GAS2: variants seen among roughly 807,000 people sequenced by gnomAD.
GAS2 encodes growth arrest-specific protein 2.
Under a neutral mutation model 37.5 loss-of-function variants are expected in GAS2, and 20 were observed. The observed-to-expected ratio is 0.53, with a 90% confidence interval of 0.37 to 0.77. GAS2 has a LOEUF of 0.77. GAS2 is among the 30% of genes least tolerant of loss of function. The pLI is 0.00. For missense variants in GAS2, 336 were observed against 373.4 expected (o/e 0.90, Z 0.82); for synonymous variants, 144 against 132.2 (o/e 1.09, Z -0.61).
chr11:22,630,301 G>A (rs181353832), intron 1 of GAS2, among the ~76,000 whole-genome samples: 1 of 152,072 alleles, frequency 6.6e-6, no homozygotes, highest in Non-Finnish European at 1.5e-5. Context: ...TGTGATGTTT[G>A]GTTTTTTGTT....
intron 1 of GAS2, among the ~76,000 whole-genome samples, chr11:22,661,216 A>C (rs1848911752): frequency 6.6e-6 from 1 of 152,222 alleles, no homozygotes; most frequent in Non-Finnish European, 1.5e-5. Context: ...TTGTCTTTAC[A>C]GAGGGATCTC....
At chr11:22,738,083 T>C (rs1852851648) in intron 5 of GAS2, among the ~76,000 whole-genome samples, 2 of 152,170 alleles carry the variant, frequency 1.3e-5, no homozygotes, top group South Asian at 4.1e-4. Context: ...TTCTCCTTAG[T>C]GGAAAGTCTA....
intron 7 of GAS2, among the ~76,000 whole-genome samples, chr11:22,795,921 G>A (rs920939042): frequency 1.3e-5 from 2 of 152,130 alleles, no homozygotes; most frequent in African/African-American, 2.4e-5. Flanking sequence ...AGTGAAGATG[G>A]TGAGAACAGA....
chr11:22,659,547 G>A (rs1340212711), intron 1 of GAS2, among the ~76,000 whole-genome samples: 3 of 151,964 alleles, frequency 2.0e-5, no homozygotes, highest in African/African-American at 4.8e-5. Flanking sequence ...AGCCTTCTTC[G>A]GTATTCTTTT....
intron 1 of GAS2, among the ~76,000 whole-genome samples, chr11:22,639,641 C>T (rs1858885178): frequency 6.6e-6 from 1 of 152,048 alleles, no homozygotes; most frequent in Non-Finnish European, 1.5e-5. Flanking sequence ...AGTCGTGCAT[C>T]CTATGATATT....
intron 1 of GAS2, among the ~76,000 whole-genome samples, chr11:22,648,842 T>G (rs1368515782): frequency 6.6e-6 from 1 of 152,218 alleles, no homozygotes; most frequent in East Asian, 1.9e-4. Context: ...TTTCTAGATA[T>G]ACAATCATGT....
chr11:22,642,849 C>T (rs1848645435), intron 1 of GAS2, among the ~76,000 whole-genome samples: 1 of 152,062 alleles, frequency 6.6e-6, no homozygotes, highest in Non-Finnish European at 1.5e-5. Context: ...AGACCCATTG[C>T]CTGCTCTGTA....
At chr11:22,763,154 T>G (rs956821207) in intron 7 of GAS2, among the ~76,000 whole-genome samples, 1 of 152,256 alleles carries the variant, frequency 6.6e-6, no homozygotes, top group Non-Finnish European at 1.5e-5. Flanking sequence ...GTACTACTTT[T>G]AAATTAAATC....
At chr11:22,746,349 G>A (rs911308769) in intron 5 of GAS2, among the ~76,000 whole-genome samples, 29 of 152,070 alleles carry the variant, frequency 1.9e-4, no homozygotes, top group Admixed American at 3.9e-4. Context: ...CCCATCAATC[G>A]CGTTACTAGG....
chr11:22,639,869 C>T (rs1330296742), intron 1 of GAS2, among the ~76,000 whole-genome samples: 6 of 152,056 alleles, frequency 3.9e-5, no homozygotes, highest in South Asian at 2.1e-4. Flanking sequence ...CCTGAGATAC[C>T]GATCTCCTTT....
At chr11:22,684,372 TGAG>T (rs1360528914) in intron 2 of GAS2, among the ~76,000 whole-genome samples, 2 of 152,138 alleles carry the variant, frequency 1.3e-5, no homozygotes, top group Non-Finnish European at 2.9e-5. Context: ...AGAGAGAAGT[TGAG>T]GACACAAAGA....
intron 7 of GAS2, among the ~76,000 whole-genome samples, chr11:22,786,735 G>A (rs761587050): frequency 1.7e-4 from 26 of 152,126 alleles, no homozygotes; most frequent in Non-Finnish European, 2.6e-4. Flanking sequence ...ATGCAAATGG[G>A]TAGGACATTG....
At chr11:22,777,084 A>G (rs1855296576) in intron 7 of GAS2, among the ~76,000 whole-genome samples, 1 of 152,206 alleles carries the variant, frequency 6.6e-6, no homozygotes, top group African/African-American at 2.4e-5. Context: ...GGAAAACATT[A>G]GCTGAAGGAA....
intron 7 of GAS2, among the ~76,000 whole-genome samples, chr11:22,802,455 TAA>T (rs34312956): frequency 1.5e-4 from 21 of 143,664 alleles, no homozygotes; most frequent in South Asian, 6.6e-4. Context: ...CTTAAAGTAT[TAA>T]AAAAAAAAAA....
intron 5 of GAS2, among the ~76,000 whole-genome samples, chr11:22,745,414 G>C (rs142041311): frequency 2.2e-3 from 331 of 152,146 alleles, no homozygotes; most frequent in African/African-American, 7.2e-3. Context: ...TCCATAAGCA[G>C]AAGAATGAAA....
chr11:22,759,623 A>T (rs1047132445), intron 7 of GAS2, among the ~76,000 whole-genome samples: 1 of 152,194 alleles, frequency 6.6e-6, no homozygotes, highest in Non-Finnish European at 1.5e-5. Context: ...CCTCCAAGAT[A>T]TAAATATTTC....
chr11:22,726,351 C>A lies in GAS2; in HGVS notation c.327C>A (p.Ala109=). ...GTGCACCCTCGGGCTCCTTTTTTGCCAGAGACAATACAGCAAATTTCTTAT... is the reference window on the plus strand; with the variant it reads ...GTGCACCCTCGGGCTCCTTTTTTGCAAGAGACAATACAGCAAATTTCTTAT... ...KTSAPSGSFF[A]RDNTANFLSW... is the part of the protein sequence containing the mutation. Residue 109 remains alanine (A), a synonymous_variant, in exon 4 of 8, where the codon GCC becomes GCA. Coordinates refer to ENST00000454584, the MANE Select transcript of GAS2 (RefSeq NM_001143830.3). 1 of 1,611,558 alleles carries A rather than the reference C, an allele frequency of 6.2e-7. No homozygotes were observed. The highest frequency in any genetic ancestry group is 8.5e-7 in the Non-Finnish European group (1 of 1,178,948).
intron 1 of GAS2, among the ~76,000 whole-genome samples, chr11:22,648,512 C>G (rs569296601): frequency 2.3e-4 from 35 of 151,880 alleles, no homozygotes; most frequent in African/African-American, 5.8e-4. Flanking sequence ...AATTACCTTG[C>G]GCAGTATGGC....
rs150614176 is a variant in GAS2, at chr11:22,757,705, G to A, written c.723+1752G>A. On this transcript the variant is annotated intron_variant, in intron 7 of 7. Coordinates refer to ENST00000454584, the MANE Select transcript of GAS2 (RefSeq NM_001143830.3). ...ATAACATTTCCCTTTAAAATGAAAC[G>A]TTTTTTAAAAACTTAATTTTTAGCA... Among the ~76,000 whole-genome samples, 509 of 152,096 alleles carry A rather than the reference G, an allele frequency of 3.3e-3. 2 individuals are homozygous for A. The highest frequency in any genetic ancestry group is 0.011 in the African/African-American group (469 of 41,508).
Sources: gnomAD v4.1 joint callset for allele counts (sites outside exome capture counted in the v4.1 genomes callset) on GRCh38, gnomAD v4.1.1 for gene constraint, MANE v1.5 for transcripts, NCBI Gene and HGNC (gene_info 2026-07-23, HGNC 2026-07-21) for gene names.